Variants in FKBP1B observed in about 807,000 individuals in gnomAD.
The protein encoded by FKBP1B is FKBP prolyl isomerase 1B.
Under a neutral mutation model 13.5 loss-of-function variants are expected in FKBP1B, and 4 were observed. The ratio of observed to expected loss-of-function variants is 0.30; its 90% CI spans 0.15 to 0.68. The LOEUF (loss-of-function observed/expected upper bound fraction) is 0.68. Among genes scored for constraint, FKBP1B ranks in the 30% least tolerant of loss-of-function variants. FKBP1B has a pLI of 0.76. For synonymous variants in FKBP1B, 54 were observed against 53.6 expected, an observed-to-expected ratio of 1.01 and a Z score of -0.03; for missense variants, 93 against 136.2, an observed-to-expected ratio of 0.68 and a Z score of 1.58.
the FKBP1B span, chr2:24,039,070 A>C: frequency 1.1e-5 from 18 of 1,614,222 alleles, no homozygotes; most frequent in Non-Finnish European, 1.5e-5. Flanking sequence ...ATCAGAGTGA[A>C]CATTAGGGAA....
At chr2:24,037,946 G>A in the FKBP1B span, 7 of 1,614,048 alleles carry the variant, frequency 4.3e-6, no homozygotes, top group African/African-American at 6.7e-5. Flanking sequence ...TGGGTAACAG[G>A]CTCAGCATCT....
chr2:24,038,377 G>A, the FKBP1B span: 6 of 1,614,104 alleles, frequency 3.7e-6, no homozygotes, highest in Non-Finnish European at 3.4e-6. Context: ...GTTTGGGACT[G>A]AAGATGGAAT....
At chr2:24,038,557 C>A in the FKBP1B span, 42 of 1,614,068 alleles carry the variant, frequency 2.6e-5, no homozygotes. Context: ...AGAATCTTGG[C>A]CAGTTCCTGT....
chr2:24,041,079 T>G, the FKBP1B span, among the ~76,000 whole-genome samples: 1 of 150,138 alleles, frequency 6.7e-6, no homozygotes, highest in African/African-American at 2.5e-5. Context: ...TGGCTCATGC[T>G]TGTAATCCCA....
chr2:24,060,943 C>T lies in FKBP1B; in HGVS notation c.198+17C>T. On this transcript the variant is annotated intron_variant, in intron 3 of 3. Coordinates refer to ENST00000380986, the MANE Select transcript of FKBP1B (RefSeq NM_004116.5). ...GCAGCCCAGGTAGGATGAGGATTCG[C>T]ATTAAAGGGGATCTGGGGAGTTGGG... The T allele has an allele frequency of 1.9e-6, 3 of 1,581,746 alleles. No homozygotes were observed. Among genetic ancestry groups the T allele is most frequent in the Non-Finnish European group, 1.7e-6 (2 of 1,150,908 alleles).
chr2:24,056,357 T>A (rs1167840370), intron 2 of FKBP1B, among the ~76,000 whole-genome samples: 3 of 151,544 alleles, frequency 2.0e-5, no homozygotes, highest in African/African-American at 7.3e-5. Context: ...TTTGTTTTTT[T>A]TTTTTGAGAC....
chr2:24,063,482 C>CCT lies in FKBP1B; in HGVS notation c.*290_*291insCT. On this transcript the variant is annotated 3_prime_UTR_variant, in exon 4 of 4. Coordinates refer to ENST00000380986, the MANE Select transcript of FKBP1B (RefSeq NM_004116.5). ...TGACAGAACACAGATCTCTTGTTCG[C>CCT]ACAATCTACACTGCCTTACCTTCAC... 8.1e-6 allele frequency: 3 copies of CCT among 369,114 alleles called. No individual in the cohort carries two copies. The highest frequency in any genetic ancestry group is 1.2e-4 in the South Asian group (2 of 17,262). The allele number at this position is 369,114 out of a possible 1,614,324, so 22.9% of individuals were successfully genotyped here.
chr2:24,042,127 T>C, the FKBP1B span, among the ~76,000 whole-genome samples: 12 of 151,966 alleles, frequency 7.9e-5, no homozygotes, highest in African/African-American at 2.7e-4. Context: ...AAAGCCTGGG[T>C]GTGGCAGCTC....
Position 24,063,474 on chromosome 2 carries a change from CTT to C in FKBP1B, c.*283_*284del. 2.8e-6 allele frequency: 1 copy of C among 356,328 alleles called. No individual in the cohort carries two copies. The highest frequency in any genetic ancestry group is 4.6e-5 in the Admixed American group (1 of 21,820). The allele number at this position is 356,328 out of a possible 1,614,324, so 22.1% of individuals were successfully genotyped here. A position where few individuals can be genotyped will look rare whatever the true frequency, so the allele number is the denominator to read the frequency against. On this transcript the variant is annotated 3_prime_UTR_variant, in exon 4 of 4. Transcript: ENST00000380986. ...TTTCCTGATGACAGAACACAGATCT[CTT>C]GTTCGCACAATCTACACTGCCTTAC... is the stretch of plus-strand genomic sequence containing the variant.
At chr2:24,052,369 T>C (rs1663918334) in intron 1 of FKBP1B, among the ~76,000 whole-genome samples, 1 of 152,210 alleles carries the variant, frequency 6.6e-6, no homozygotes, top group Non-Finnish European at 1.5e-5. Context: ...GCATGATCCA[T>C]GTCCTTCCCA....
chr2:24,049,960 G>C (rs1407835574), intron 1 of FKBP1B, 74 bp downstream of exon 1: 8 of 1,260,308 alleles, frequency 6.3e-6, no homozygotes, highest in Non-Finnish European at 7.2e-6. Context: ...GGTCTGATTC[G>C]GAGGTGGCGT....
At chr2:24,037,121 G>A in the FKBP1B span, among the ~76,000 whole-genome samples, 4 of 152,160 alleles carry the variant, frequency 2.6e-5, no homozygotes, top group African/African-American at 7.2e-5. Context: ...TGTGCCTCCC[G>A]GGCTCAAGTG....
chr2:24,043,547 G>A, the FKBP1B span, among the ~76,000 whole-genome samples: 1 of 152,240 alleles, frequency 6.6e-6, no homozygotes, highest in African/African-American at 2.4e-5. Context: ...CATATATAAA[G>A]TGATGTTTAA....
At chr2:24,062,140 C>CG (rs1242444217) in intron 3 of FKBP1B, among the ~76,000 whole-genome samples, 1 of 151,674 alleles carries the variant, frequency 6.6e-6, no homozygotes, top group Non-Finnish European at 1.5e-5. Context: ...CAAAGTGGTG[C>CG]GAGCCACCGT....
chr2:24,048,710 AT>A (rs943269303), upstream of FKBP1B, among the ~76,000 whole-genome samples: 1 of 152,122 alleles, frequency 6.6e-6, no homozygotes, highest in African/African-American at 2.4e-5. Context: ...CTTTAAACAA[AT>A]ATTACCTCCT....
At chr2:24,035,512 T>A in the FKBP1B span, among the ~76,000 whole-genome samples, 1 of 152,004 alleles carries the variant, frequency 6.6e-6, no homozygotes, top group Non-Finnish European at 1.5e-5. Context: ...ATAAATGAAT[T>A]ACCTATTAAA....
At chr2:24,038,097 A>G in the FKBP1B span, 56 of 1,614,100 alleles carry the variant, frequency 3.5e-5, no homozygotes, top group Admixed American at 5.0e-5. Flanking sequence ...CTGGGGAAAG[A>G]CTTTCAATTA....
intron 2 of FKBP1B, among the ~76,000 whole-genome samples, chr2:24,056,286 G>C (rs1573689138): frequency 6.6e-6 from 1 of 151,934 alleles, no homozygotes; most frequent in East Asian, 1.9e-4. Context: ...CACCACACCA[G>C]GCTTTGTTTT....
chr2:24,062,424 C>T (rs1036105620), intron 3 of FKBP1B, among the ~76,000 whole-genome samples: 4 of 152,194 alleles, frequency 2.6e-5, no homozygotes, highest in African/African-American at 9.7e-5. Flanking sequence ...GGTGATCCAC[C>T]TGCCTCGGCC....
Sources: gnomAD v4.1 joint callset for allele counts (sites outside exome capture counted in the v4.1 genomes callset) on GRCh38, gnomAD v4.1.1 for gene constraint, MANE v1.5 for transcripts, NCBI Gene and HGNC (gene_info 2026-07-23, HGNC 2026-07-21) for gene names.